CTNNA3: variants seen among roughly 807,000 people sequenced by gnomAD.
The protein encoded by CTNNA3 is catenin alpha 3.
CTNNA3 carries 76 observed loss-of-function variants against 95.7 expected under a neutral mutation model. The observed-to-expected ratio is 0.79, with a 90% CI of 0.66 to 0.96. CTNNA3 has a LOEUF of 0.96. Ranked by LOEUF, CTNNA3 falls within the 40% of genes least tolerant of loss-of-function variation. The probability of loss-of-function intolerance (pLI) is 0.00; values close to 1 mark genes in which losing one functional copy is unlikely to be tolerated. For synonymous variants in CTNNA3, 431 were observed against 374.4 expected, an observed-to-expected ratio of 1.15 and a Z score of -1.74; for missense variants, 1,191 against 1,089.8, an observed-to-expected ratio of 1.09 and a Z score of -1.31.
At chr10:66,349,805 C>T (rs1406371716) in intron 12 of CTNNA3, among the ~76,000 whole-genome samples, 9 of 151,926 alleles carry the variant, frequency 5.9e-5, no homozygotes, top group Admixed American at 4.6e-4. Context: ...TTTTAAACTG[C>T]AACTTTACCA....
At chr10:66,014,854 C>T (rs1172925312) in intron 15 of CTNNA3, among the ~76,000 whole-genome samples, 2 of 152,138 alleles carry the variant, frequency 1.3e-5, no homozygotes, top group East Asian at 3.9e-4. Context: ...CCTGTAATCC[C>T]AGCACTGTGG....
chr10:66,242,482 A>G lies in CTNNA3; in HGVS notation c.1884+37988T>C, dbSNP rs551693935. Among the ~76,000 whole-genome samples, 18 of 152,356 alleles carry G rather than the reference A, an allele frequency of 1.2e-4. 1 individual carries two copies. In the South Asian group the frequency reaches 3.5e-3, roughly 30 times the overall value. ...TATCAAGAACATACGAAGAACTGCC[A>G]AAAGTAAAAATATGAAAAATTATTG... On this transcript the variant is annotated intron_variant, in intron 13 of 17. Transcript: ENST00000433211.
chr10:67,481,327 G>T (rs1393956797), intron 5 of CTNNA3, among the ~76,000 whole-genome samples: 2 of 152,140 alleles, frequency 1.3e-5, no homozygotes, highest in East Asian at 3.8e-4. Flanking sequence ...AGGAAAAAAA[G>T]AATTCAAATG....
intron 7 of CTNNA3, among the ~76,000 whole-genome samples, chr10:66,820,665 C>G (rs796066344): frequency 1.1e-4 from 17 of 149,352 alleles, no homozygotes; most frequent in African/African-American, 3.9e-4. Flanking sequence ...AAAAAATTGT[C>G]CATGTTAGTT....
intron 17 of CTNNA3, among the ~76,000 whole-genome samples, chr10:65,962,047 TGTTTTA>T (rs1443567207): frequency 6.6e-6 from 1 of 152,166 alleles, no homozygotes; most frequent in Admixed American, 6.5e-5. Context: ...ACTCCCAGTT[TGTTTTA>T]ACTGCCACAG....
At chr10:67,099,535 C>T (rs1858211795) in intron 7 of CTNNA3, 1 of 152,022 alleles carries the variant, frequency 6.6e-6, no homozygotes, top group African/African-American at 2.4e-5. Flanking sequence ...TCTATAAAAT[C>T]TAGTTTTATG....
chr10:65,996,616 G>A (rs980126954), intron 15 of CTNNA3, among the ~76,000 whole-genome samples: 4 of 152,106 alleles, frequency 2.6e-5, no homozygotes, highest in Non-Finnish European at 2.9e-5. Context: ...CTGGAGCGAC[G>A]CCATTACACA....
chr10:65,964,004 C>T (rs577387437), intron 17 of CTNNA3, among the ~76,000 whole-genome samples: 1 of 152,258 alleles, frequency 6.6e-6, no homozygotes, highest in South Asian at 2.1e-4. Context: ...TTTGGTAAGG[C>T]AATGTTTCAT....
chr10:66,578,522 A>C (rs963695008), intron 10 of CTNNA3, among the ~76,000 whole-genome samples: 4 of 151,998 alleles, frequency 2.6e-5, no homozygotes, highest in Admixed American at 6.6e-5. Context: ...GGTTTTCAGC[A>C]CGAAGGAATG....
intron 1 of CTNNA3, among the ~76,000 whole-genome samples, chr10:67,756,121 G>C (rs1226381545): frequency 6.6e-6 from 1 of 152,124 alleles, no homozygotes. Context: ...TGGATCTTAT[G>C]AAGATAGAGA....
At chr10:66,405,847 C>CT (rs1361814708) in intron 11 of CTNNA3, among the ~76,000 whole-genome samples, 1 of 152,158 alleles carries the variant, frequency 6.6e-6, no homozygotes, top group Non-Finnish European at 1.5e-5. Context: ...TGATCCAAGT[C>CT]TACTCCCTTG....
intron 5 of CTNNA3, among the ~76,000 whole-genome samples, chr10:67,355,903 G>C (rs1028999651): frequency 7.9e-5 from 12 of 151,888 alleles, no homozygotes; most frequent in Admixed American, 4.6e-4. Context: ...AAGTCACACT[G>C]CCCTTCTCCC....
In CTNNA3 at chr10:67,189,145, A is replaced by C. The variant is rs569241484; in HGVS notation, c.844-8625T>G. Among the ~76,000 whole-genome samples, 538 of 130,312 alleles carry C rather than the reference A, an allele frequency of 4.1e-3. 3 individuals are homozygous for C. Among genetic ancestry groups the C allele is most frequent in the African/African-American group, 9.9e-3 (275 of 27,650 alleles). 85.5% of individuals were successfully genotyped at this position (130,312 alleles called of 152,430 possible). On this transcript the variant is annotated intron_variant, in intron 6 of 17. Coordinates refer to ENST00000433211, the MANE Select transcript of CTNNA3 (RefSeq NM_013266.4). The stretch of plus-strand genomic sequence containing the variant: ...AACAAACAAACAACAACAACAACAA[A>C]AAAAAAAACAGAAAATTCTGTCATT...
chr10:65,915,163 A>G lies in CTNNA3; in HGVS notation c.*5167T>C, dbSNP rs2076990678. ...CTGTTAAATATATGAACGTATGGTA[A>G]CCCAGATTGGCTCTAATATTGGGAA... On this transcript the variant is annotated 3_prime_UTR_variant, in exon 18 of 18. Transcript: ENST00000433211. 6.6e-6 allele frequency: 1 copy of G among 152,118 alleles called. No individual in the cohort carries two copies. Among genetic ancestry groups the G allele is most frequent in the African/African-American group, 2.4e-5 (1 of 41,434 alleles). The allele number at this position is 152,118 out of a possible 1,614,324, so 9.4% of individuals were successfully genotyped here.
At chr10:67,546,009 CTAAA>C (rs1169807891) in intron 3 of CTNNA3, among the ~76,000 whole-genome samples, 1 of 151,900 alleles carries the variant, frequency 6.6e-6, no homozygotes, top group Non-Finnish European at 1.5e-5. Flanking sequence ...AACTATGCAC[CTAAA>C]TAAATTTCAA....
chr10:67,112,544 T>C (rs908034082), intron 7 of CTNNA3, among the ~76,000 whole-genome samples: 1 of 152,212 alleles, frequency 6.6e-6, no homozygotes, highest in African/African-American at 2.4e-5. Flanking sequence ...AGTAAGATAA[T>C]GGAAGCTGAT....
intron 15 of CTNNA3, among the ~76,000 whole-genome samples, chr10:66,003,955 A>G (rs908636952): frequency 3.3e-5 from 5 of 152,220 alleles, no homozygotes; most frequent in African/African-American, 1.2e-4. Flanking sequence ...GCTGCTTCGC[A>G]TGCCCACTCT....
chr10:67,281,643 C>A (rs1564532925), intron 5 of CTNNA3, among the ~76,000 whole-genome samples: 1 of 152,054 alleles, frequency 6.6e-6, no homozygotes, highest in Non-Finnish European at 1.5e-5. Context: ...AATTAATTTT[C>A]CAAGATACTT....
At position 67,451,357 on chromosome 10, in the gene CTNNA3, G is replaced by A. The variant is rs76371401; in HGVS notation, c.579+70485C>T. ...GAAACTATAAAAATAAATGTAAAAAGACTAGAAAGATGTGATGTTAGAAAC... is the reference window on the plus strand; with the variant it reads ...GAAACTATAAAAATAAATGTAAAAAAACTAGAAAGATGTGATGTTAGAAAC... On this transcript the variant is annotated intron_variant, in intron 5 of 17. Transcript: ENST00000433211. Among the ~76,000 whole-genome samples, 4,027 of 151,762 alleles carry A rather than the reference G, an allele frequency of 0.027. 387 individuals are homozygous for A. The East Asian group carries it at 0.34, about 13-fold the overall frequency.
Sources: gnomAD v4.1 joint callset for allele counts (sites outside exome capture counted in the v4.1 genomes callset) on GRCh38, gnomAD v4.1.1 for gene constraint, MANE v1.5 for transcripts, NCBI Gene and HGNC (gene_info 2026-07-23, HGNC 2026-07-21) for gene names.